Variants in SUDS3 observed in about 807,000 individuals in gnomAD.
SUDS3 encodes sin3 histone deacetylase corepressor complex component SDS3.
SUDS3 carries 23 observed loss-of-function variants against 53.5 expected under a neutral mutation model. That is an observed-to-expected ratio of 0.43 (90% CI 0.31 to 0.61). The LOEUF is 0.61. Among genes scored for constraint, SUDS3 ranks in the 20% least tolerant of loss-of-function variants. The probability of loss-of-function intolerance (pLI) is 0.10; values close to 1 mark genes in which losing one functional copy is unlikely to be tolerated. For synonymous variants in SUDS3, 150 were observed against 148.5 expected, an observed-to-expected ratio of 1.01 and a Z score of -0.08; for missense variants, 291 against 405.9, an observed-to-expected ratio of 0.72 and a Z score of 2.43.
chr12:118,391,482 A>T (rs907363598), intron 6 of SUDS3, among the ~76,000 whole-genome samples, 200 bp downstream of exon 6: 1 of 152,132 alleles, frequency 6.6e-6, no homozygotes, highest in African/African-American at 2.4e-5. Flanking sequence ...TTTCTCCTCT[A>T]TGAAATGGGG....
chr12:118,402,993 C>T (rs777738522), intron 9 of SUDS3, among the ~76,000 whole-genome samples: 3 of 152,072 alleles, frequency 2.0e-5, no homozygotes, highest in African/African-American at 7.2e-5. Context: ...CTGTTGACCT[C>T]GTGATTCACC....
rs927212009 is a variant in SUDS3 at position 118,416,045 on chromosome 12, T to C, written c.*1612T>C. The stretch of plus-strand genomic sequence containing the variant: ...TCTGCCCTCCAATCCCCGACTGCTA[T>C]GATGTTTACTACAGTGAACCCAGCC... On this transcript the variant is annotated 3_prime_UTR_variant, in exon 12 of 12. Coordinates refer to ENST00000543473, the MANE Select transcript of SUDS3 (RefSeq NM_022491.3). The C allele has an allele frequency of 3.3e-5, 5 of 152,052 alleles. No individual in the cohort carries two copies. The highest frequency in any genetic ancestry group is 1.2e-4 in the African/African-American group (5 of 41,398). 9.4% of individuals were successfully genotyped at this position (152,052 alleles called of 1,614,324 possible).
intron 6 of SUDS3, among the ~76,000 whole-genome samples, chr12:118,397,854 A>G (rs868207017): frequency 4.0e-5 from 6 of 151,570 alleles, no homozygotes; most frequent in Admixed American, 6.6e-5. Flanking sequence ...TGCATTGTCC[A>G]CCCTCCCCAC....
chr12:118,402,435 C>T lies in SUDS3; in HGVS notation c.697+431C>T, dbSNP rs77796393. The T allele has an allele frequency of 8.2e-3, 1,589 of 194,260 alleles. 18 individuals carry two copies. The highest frequency in any genetic ancestry group is 0.034 in the African/African-American group (1,431 of 42,294). The allele number at this position is 194,260 out of a possible 1,614,324, so 12.0% of individuals were successfully genotyped here. A position where few individuals can be genotyped will look rare whatever the true frequency, so the allele number is the denominator to read the frequency against. ...AAGGCATTCCAAGGCTGCTCTGACTCGCAGTTCATAGAAGAGACCAACCAG... is the reference window on the plus strand; with the variant it reads ...AAGGCATTCCAAGGCTGCTCTGACTTGCAGTTCATAGAAGAGACCAACCAG... On this transcript the variant is annotated intron_variant, in intron 9 of 11. Coordinates refer to ENST00000543473, the MANE Select transcript of SUDS3 (RefSeq NM_022491.3).
At chr12:118,385,902 C>T (rs573103808) in intron 3 of SUDS3, among the ~76,000 whole-genome samples, 2 of 152,318 alleles carry the variant, frequency 1.3e-5, no homozygotes, top group East Asian at 3.9e-4. Context: ...ACTACAGACC[C>T]TTGATCCACT....
chr12:118,413,036 C>T (rs184793875), intron 11 of SUDS3, among the ~76,000 whole-genome samples: 7 of 152,238 alleles, frequency 4.6e-5, no homozygotes, highest in African/African-American at 1.4e-4. Flanking sequence ...TGGATGACTC[C>T]CTGACTTAGC....
intron 10 of SUDS3, 88 bp downstream of exon 10, chr12:118,403,605 C>T (rs7136676): frequency 0.14 from 144,568 of 1,042,880 alleles, 11,258 homozygotes; most frequent in Non-Finnish European, 0.16. Context: ...TTTCAGATCA[C>T]GGCTGCTGCT....
At position 118,391,291 on chromosome 12, in the gene SUDS3, G is replaced by A. The variant is rs2046165384; in HGVS notation, c.517+9G>A. 1.9e-6 allele frequency: 3 copies of A among 1,602,554 alleles called. No individual in the cohort carries two copies. Among genetic ancestry groups the A allele is most frequent in the South Asian group, 1.1e-5 (1 of 89,102 alleles). ...AATGGAACTGACTGGAGGTAGGAAAGCCCTATGGGGTGGGATCTTGGGGGC... is the reference window on the plus strand; with the variant it reads ...AATGGAACTGACTGGAGGTAGGAAAACCCTATGGGGTGGGATCTTGGGGGC... On this transcript the variant is annotated intron_variant, in intron 6 of 11. Coordinates refer to ENST00000543473, the MANE Select transcript of SUDS3 (RefSeq NM_022491.3).
rs747603752 is a variant in SUDS3, at chr12:118,380,243, A to G, written c.212+12A>G. The G allele has an allele frequency of 4.4e-6, 7 of 1,595,920 alleles. No individual in the cohort carries two copies. In the African/African-American group the frequency reaches 8.0e-5, roughly 18 times the overall value. Reference sequence around the variant, plus strand: ...GAAATGAAGGAACAGTGAGTATGATATGCCTATGTCTTTTTGGAACATAGA... The same window carrying G: ...GAAATGAAGGAACAGTGAGTATGATGTGCCTATGTCTTTTTGGAACATAGA... On this transcript the variant is annotated intron_variant, in intron 2 of 11. Transcript: ENST00000543473.
chr12:118,412,837 G>A (rs2046370597), intron 11 of SUDS3, among the ~76,000 whole-genome samples: 1 of 152,190 alleles, frequency 6.6e-6, no homozygotes, highest in African/African-American at 2.4e-5. Context: ...TGGTGACACT[G>A]AAACACGTCT....
intron 3 of SUDS3, among the ~76,000 whole-genome samples, chr12:118,384,873 G>C (rs141987372): frequency 6.6e-6 from 1 of 152,124 alleles, no homozygotes; most frequent in Admixed American, 6.5e-5. Context: ...TTTTGTGAGG[G>C]ATTGGAATCC....
chr12:118,378,239 C>T (rs1004483656), intron 1 of SUDS3, among the ~76,000 whole-genome samples: 7 of 152,158 alleles, frequency 4.6e-5, no homozygotes, highest in Non-Finnish European at 1.0e-4. Context: ...CTCCTTGTTC[C>T]CTTTAGTTGT....
chr12:118,399,755 T>C (rs915338317), intron 6 of SUDS3, among the ~76,000 whole-genome samples: 4 of 152,048 alleles, frequency 2.6e-5, no homozygotes, highest in African/African-American at 9.7e-5. Flanking sequence ...AGGGATAGAT[T>C]GGATGTCCCT....
intron 10 of SUDS3, among the ~76,000 whole-genome samples, chr12:118,405,964 C>T (rs916310999): frequency 6.6e-6 from 1 of 152,142 alleles, no homozygotes; most frequent in Non-Finnish European, 1.5e-5. Context: ...TAAATGACTT[C>T]AGCAAAACAA....
At chr12:118,409,935 A>G (rs1197774574) in intron 10 of SUDS3, among the ~76,000 whole-genome samples, 1 of 152,246 alleles carries the variant, frequency 6.6e-6, no homozygotes, top group Non-Finnish European at 1.5e-5. Context: ...GTGGCCCTAC[A>G]CTACAGGTTG....
At chr12:118,379,202 G>A (rs1229280276) in intron 1 of SUDS3, among the ~76,000 whole-genome samples, 5 of 151,570 alleles carry the variant, frequency 3.3e-5, no homozygotes, top group African/African-American at 7.2e-5. Flanking sequence ...TTTGGAATGC[G>A]AAAGCAGGTG....
rs896084866 is a variant in SUDS3, at chr12:118,384,007, T to TA, written c.213-4dup. ...TCTGTTAGTGTGACTTTTTTTTTTT[T>TA]ATAGGATGTATCAGGACAAACTGGC... is the stretch of plus-strand genomic sequence containing the variant. On this transcript the variant is annotated splice_polypyrimidine_tract_variant and splice_region_variant and intron_variant, in intron 2 of 11. Coordinates refer to ENST00000543473, the MANE Select transcript of SUDS3 (RefSeq NM_022491.3). 2 of 1,606,982 alleles carry TA rather than the reference T, an allele frequency of 1.2e-6. No homozygotes were observed. The highest frequency in any genetic ancestry group is 1.7e-6 in the Non-Finnish European group (2 of 1,177,446).
intron 6 of SUDS3, among the ~76,000 whole-genome samples, chr12:118,395,900 C>T (rs1345043295): frequency 6.6e-6 from 1 of 152,000 alleles, no homozygotes; most frequent in Non-Finnish European, 1.5e-5. Context: ...ACCTTGTTGG[C>T]CAGGCTGGTC....
chr12:118,380,223 G>C lies in SUDS3; in HGVS notation c.204G>C (p.Met68Ile). 6.2e-7 allele frequency: 1 copy of C among 1,606,318 alleles called. No homozygotes were observed. The change falls in exon 2 of 12, where the codon ATG (methionine) becomes ATC (isoleucine). Residue 68 changes from methionine (M) to isoleucine (I), a missense_variant. Around this residue, in one of 4 missense-constraint regions of SUDS3, gnomAD observed 149 missense variants for 146.5 expected, o/e 1.02. Coordinates refer to ENST00000543473, the MANE Select transcript of SUDS3 (RefSeq NM_022491.3). ...ATGATGAAGAAGACTATGTAGAAATGAAGGAACAGTGAGTATGATATGCCT... is the reference window on the plus strand; with the variant it reads ...ATGATGAAGAAGACTATGTAGAAATCAAGGAACAGTGAGTATGATATGCCT... Reference protein sequence around the residue: ...AKHDEEDYVEMKEQMYQDKLA... With the variant: ...AKHDEEDYVEIKEQMYQDKLA...
Sources: gnomAD v4.1 joint callset for allele counts (sites outside exome capture counted in the v4.1 genomes callset) on GRCh38, gnomAD v4.1.1 for gene constraint, gnomAD v4.1.1 regional missense constraint, MANE v1.5 for transcripts, NCBI Gene and HGNC (gene_info 2026-07-23, HGNC 2026-07-21) for gene names.